SLMAP: variants seen among roughly 807,000 people sequenced by gnomAD.
SLMAP encodes the protein sarcolemma associated protein, also known as sarcolemmal membrane-associated protein.
SLMAP carries 44 observed loss-of-function variants against 128.8 expected under a neutral mutation model. That is an observed-to-expected ratio of 0.34 (90% confidence interval 0.27 to 0.44). The LOEUF (loss-of-function observed/expected upper bound fraction) is 0.44, where lower values mean the gene tolerates loss of function less well. SLMAP is among the 20% of genes least tolerant of loss of function. The pLI, the probability that SLMAP is intolerant of heterozygous loss-of-function variation, is 1.00. For missense variants in SLMAP, 787 were observed against 985.3 expected, an observed-to-expected ratio of 0.80 and a Z score of 2.69; for synonymous variants, 327 against 348.8, an observed-to-expected ratio of 0.94 and a Z score of 0.70.
chr3:57,844,529 A>G (rs1426070427), intron 4 of SLMAP, among the ~76,000 whole-genome samples: 1 of 152,100 alleles, frequency 6.6e-6, no homozygotes, highest in Non-Finnish European at 1.5e-5. Flanking sequence ...CATACTTCAG[A>G]ATATACTTAT....
At chr3:57,848,948 A>G (rs2153577525) in intron 5 of SLMAP, among the ~76,000 whole-genome samples, 1 of 151,754 alleles carries the variant, frequency 6.6e-6, no homozygotes, top group East Asian at 1.9e-4. Context: ...ACGTCAGGTG[A>G]TCTGGCTGCC....
intron 4 of SLMAP, among the ~76,000 whole-genome samples, chr3:57,845,898 G>T (rs369857101): frequency 3.3e-5 from 5 of 151,610 alleles, no homozygotes; most frequent in African/African-American, 1.2e-4. Context: ...CTGGAGTGCA[G>T]TGGCATCATC....
intron 17 of SLMAP, chr3:57,898,557 TG>T (rs1409574596): frequency 3.9e-5 from 6 of 152,238 alleles, no homozygotes; most frequent in African/African-American, 1.4e-4. Flanking sequence ...AACTTAAGAT[TG>T]AGTATAGTGT....
rs374911534 is a variant in SLMAP, at chr3:57,925,669, C to T, written c.2446-176C>T. On this transcript the variant is annotated intron_variant, in intron 23 of 24. Transcript: ENST00000671191. ...TGATAGTTTCCCAACTTGCATACCA[C>T]AGTCTATCAGATTGTGTTAGATGTC... Among the ~76,000 whole-genome samples the T allele has an allele frequency of 1.3e-4, 20 of 152,330 alleles. No homozygotes were observed. In the South Asian group the frequency reaches 3.5e-3, roughly 27 times the overall value.
chr3:57,894,857 T>C (rs1179703947), intron 15 of SLMAP, among the ~76,000 whole-genome samples: 2 of 152,186 alleles, frequency 1.3e-5, no homozygotes, highest in Non-Finnish European at 2.9e-5. Flanking sequence ...GCAGAGCTCC[T>C]GTGGGAAATA....
At chr3:57,926,825 G>A (rs557896939) in intron 24 of SLMAP, among the ~76,000 whole-genome samples, 29 of 152,136 alleles carry the variant, frequency 1.9e-4, no homozygotes, top group Non-Finnish European at 3.8e-4. Flanking sequence ...CAAGTTGGAC[G>A]ACCAAAGCCT....
At chr3:57,871,569 A>G (rs2095480069) in intron 13 of SLMAP, 67 bp from the exon 14 acceptor site, 4 of 1,212,560 alleles carry the variant, frequency 3.3e-6, no homozygotes, top group Admixed American at 1.7e-5. Context: ...CAGTTTTCCT[A>G]CCTTTGCTGT....
At chr3:57,927,164 A>G (rs2097025205) in intron 24 of SLMAP, 132 bp from the exon 25 acceptor site, 1 of 463,488 alleles carries the variant, frequency 2.2e-6, no homozygotes. Context: ...TTCAAACTTT[A>G]TATTTATGAT....
chr3:57,886,792 A>G (rs186997044), intron 14 of SLMAP, among the ~76,000 whole-genome samples: 32 of 152,268 alleles, frequency 2.1e-4, no homozygotes, highest in Admixed American at 3.9e-4. Context: ...ACTTAGCACA[A>G]TATATTTTAA....
At chr3:57,844,879 T>G (rs979768986) in intron 4 of SLMAP, among the ~76,000 whole-genome samples, 3 of 152,008 alleles carry the variant, frequency 2.0e-5, no homozygotes, top group Admixed American at 1.3e-4. Flanking sequence ...TACACCCGGC[T>G]GGTTTTTGTA....
intron 2 of SLMAP, among the ~76,000 whole-genome samples, chr3:57,788,836 A>G (rs749974273): frequency 5.9e-5 from 9 of 152,180 alleles, no homozygotes; most frequent in Non-Finnish European, 8.8e-5. Flanking sequence ...GCTCGCCGGC[A>G]GTTGGTTAAG....
At chr3:57,916,246 G>A (rs958578048) in intron 21 of SLMAP, among the ~76,000 whole-genome samples, 3 of 152,096 alleles carry the variant, frequency 2.0e-5, no homozygotes, top group African/African-American at 7.2e-5. Flanking sequence ...GGCAGTGAAG[G>A]GCACTGAGAC....
intron 2 of SLMAP, among the ~76,000 whole-genome samples, chr3:57,830,486 G>T (rs557845383): frequency 6.6e-6 from 1 of 152,226 alleles, no homozygotes; most frequent in African/African-American, 2.4e-5. Flanking sequence ...GAAAAAGAAA[G>T]GTACGTCTTT....
intron 5 of SLMAP, among the ~76,000 whole-genome samples, chr3:57,848,596 T>C (rs1030115259): frequency 1.4e-5 from 2 of 146,122 alleles, no homozygotes; most frequent in Admixed American, 6.8e-5. Flanking sequence ...CTCCTCTTCC[T>C]CCTTCCTCCT....
At chr3:57,794,516 A>G (rs2086254374) in intron 2 of SLMAP, among the ~76,000 whole-genome samples, 1 of 152,180 alleles carries the variant, frequency 6.6e-6, no homozygotes, top group African/African-American at 2.4e-5. Context: ...TTGCGCATCT[A>G]TTACCGCTAC....
At chr3:57,800,921 G>T in intron 2 of SLMAP, 1 of 228,382 alleles carries the variant, frequency 4.4e-6, no homozygotes, top group South Asian at 7.9e-5. Flanking sequence ...GGAGACCTGA[G>T]CTCTGACAAT....
chr3:57,864,914 C>T, intron 12 of SLMAP, 57 bp downstream of exon 12: 1 of 1,331,242 alleles, frequency 7.5e-7, no homozygotes, highest in Non-Finnish European at 1.0e-6. Context: ...AACTTTTGAC[C>T]TTGTTTACTG....
chr3:57,915,564 A>G (rs2096792829), intron 21 of SLMAP, among the ~76,000 whole-genome samples: 1 of 152,176 alleles, frequency 6.6e-6, no homozygotes, highest in South Asian at 2.1e-4. Context: ...ACCCACCCCA[A>G]AGAATCTGTG....
intron 15 of SLMAP, chr3:57,890,980 G>A (rs770583108): frequency 1.3e-5 from 2 of 152,098 alleles, no homozygotes; most frequent in Non-Finnish European, 2.9e-5. Flanking sequence ...GTGCACGGCA[G>A]ATGCCATATT....
Sources: gnomAD v4.1 joint callset for allele counts (sites outside exome capture counted in the v4.1 genomes callset) on GRCh38, gnomAD v4.1.1 for gene constraint, MANE v1.5 for transcripts, NCBI Gene and HGNC (gene_info 2026-07-23, HGNC 2026-07-21) for gene names.